FAM110D: variants seen among roughly 807,000 people sequenced by gnomAD.
FAM110D encodes family with sequence similarity 110 member D.
For missense variants in FAM110D, 376 were observed against 395.6 expected (o/e 0.95, Z 0.42); for synonymous variants, 174 against 189.4 (o/e 0.92, Z 0.67).
Position 26,161,631 on chromosome 1 carries a change from G to A in FAM110D, c.340G>A (p.Gly114Ser). ...GQGLVRRLFLGAPRDAAPSSP... is the reference protein window; with the variant it reads ...GQGLVRRLFLSAPRDAAPSSP... ...GGGTCTGGTGCGGCGCCTCTTTCTG[G>A]GTGCCCCGCGGGACGCTGCCCCGAG... Residue 114 changes from glycine (G) to serine (S), a missense_variant, in exon 2 of 2, where the codon GGT becomes AGT. By Grantham distance (56) the Gly-to-Ser change is moderately conservative. Transcript: ENST00000374268. This position sits in a 1 kb window ranked among gnomAD's most constrained non-coding sequence, Gnocchi z 5.4. The A allele has an allele frequency of 6.4e-7, 1 of 1,551,568 alleles. No individual in the cohort carries two copies. Among genetic ancestry groups the A allele is most frequent in the African/African-American group, 1.4e-5 (1 of 73,252 alleles).
Position 26,161,388 on chromosome 1 carries a change from C to A in FAM110D, c.97C>A (p.Gln33Lys). Residue 33 changes from glutamine (Q) to lysine (K), a missense_variant, in exon 2 of 2, where the codon CAG becomes AAG. By Grantham distance (53) the Gln-to-Lys change is moderately conservative (BLOSUM62 1). Coordinates refer to ENST00000374268, the MANE Select transcript of FAM110D (RefSeq NM_024869.3). This position sits in a 1 kb window ranked among gnomAD's most constrained non-coding sequence, Gnocchi z 5.4. ...CAAAGCCAAGTATGTCAAGACGCAC[C>A]AGGTGATAGCTAGGCGACAGGAGCC... is the stretch of plus-strand genomic sequence containing the variant. ...ADKAKYVKTH[Q>K]VIARRQEPAL... 1 of 1,598,922 alleles carries A rather than the reference C, an allele frequency of 6.3e-7. No homozygotes were observed. The highest frequency in any genetic ancestry group is 2.3e-5 in the East Asian group (1 of 44,034).
At chr1:26,160,920 C>T (rs1557610030) in intron 1 of FAM110D, among the ~76,000 whole-genome samples, 1 of 152,258 alleles carries the variant, frequency 6.6e-6, no homozygotes. Flanking sequence ...TGGGCCGGGA[C>T]CAGCCCTGTT....
rs766717950 is a variant in FAM110D at position 26,161,367 on chromosome 1, G to T, written c.76G>T (p.Ala26Ser). ...SAVERLEADK[A>S]KYVKTHQVIA... Reference sequence around the variant, plus strand: ...CGTGGAGAGGCTGGAAGCCGACAAAGCCAAGTATGTCAAGACGCACCAGGT... The same window carrying T: ...CGTGGAGAGGCTGGAAGCCGACAAATCCAAGTATGTCAAGACGCACCAGGT... The change falls in exon 2 of 2, where the codon GCC becomes TCC. Residue 26 changes from alanine to serine, a missense_variant. Ala to Ser is a moderately conservative substitution (Grantham distance 99). Transcript: ENST00000374268. This position sits in a 1 kb window ranked among gnomAD's most constrained non-coding sequence, Gnocchi z 5.4. The T allele has an allele frequency of 6.3e-6, 10 of 1,597,212 alleles. No individual in the cohort carries two copies. Among genetic ancestry groups the T allele is most frequent in the Non-Finnish European group, 7.7e-6 (9 of 1,172,450 alleles).
rs899773564 is a variant in FAM110D, at chr1:26,163,834, C to T, written c.*1727C>T. 1.7e-5 allele frequency: 4 copies of T among 235,114 alleles called. No homozygotes were observed. Among genetic ancestry groups the T allele is most frequent in the African/African-American group, 6.8e-5 (3 of 44,436 alleles). 14.6% of individuals were successfully genotyped at this position (235,114 alleles called of 1,614,324 possible). A position where few individuals can be genotyped will look rare whatever the true frequency, so the allele number is the denominator to read the frequency against. On this transcript the variant is annotated 3_prime_UTR_variant, in exon 2 of 2. Coordinates refer to ENST00000374268, the MANE Select transcript of FAM110D (RefSeq NM_024869.3). ...TTTGACCTTTTTCCTAGTACAGGGA[C>T]GGCGCACATAGTAGGGCCACAGGCA...
intron 1 of FAM110D, among the ~76,000 whole-genome samples, chr1:26,160,459 G>A (rs548476054): frequency 1.3e-5 from 2 of 151,672 alleles, no homozygotes; most frequent in South Asian, 4.2e-4. Flanking sequence ...AAACCTGGGT[G>A]ACAAAGCAAG....
chr1:26,161,331 A>AC lies in FAM110D; in HGVS notation c.45dup (p.Ser16GlnfsTer22). The AC allele has an allele frequency of 6.3e-7, 1 of 1,590,886 alleles. No individual in the cohort carries two copies. ...TCCCTCCACCCCGTCCAGAGGACGGACCCCCAGCGCCGTGGAGAGGCTGGA... is the reference window on the plus strand; with the variant it reads ...TCCCTCCACCCCGTCCAGAGGACGGACCCCCCAGCGCCGTGGAGAGGCTGGA... On this transcript the variant is annotated frameshift_variant, in exon 2 of 2. Transcript: ENST00000374268. LOFTEE classifies it low-confidence loss of function (END_TRUNC). This position sits in a 1 kb window ranked among gnomAD's most constrained non-coding sequence, Gnocchi z 5.4.
Position 26,161,879 on chromosome 1 carries a change from G to A in FAM110D, c.588G>A (p.Gln196=), listed in dbSNP as rs777163793. 1.4e-6 allele frequency: 2 copies of A among 1,472,106 alleles called. No homozygotes were observed. The highest frequency in any genetic ancestry group is 1.3e-5 in the South Asian group (1 of 76,106). 91.2% of individuals were successfully genotyped at this position (1,472,106 alleles called of 1,614,324 possible). Residue 196 remains glutamine (Q), a synonymous_variant, in exon 2 of 2, where the codon CAG becomes CAA. Coordinates refer to ENST00000374268, the MANE Select transcript of FAM110D (RefSeq NM_024869.3). The surrounding 1 kb of genome is among the most constrained non-coding windows in gnomAD (Gnocchi z 5.4). ...PQSWGADASP[Q]AGTSPPPGSG... is the part of the protein sequence containing the mutation. ...GCTGGGGAGCCGACGCCAGCCCGCA[G>A]GCCGGAACTTCGCCGCCGCCCGGCT... is the stretch of plus-strand genomic sequence containing the variant.
intron 1 of FAM110D, among the ~76,000 whole-genome samples, chr1:26,160,513 C>A (rs1451912708): frequency 6.6e-6 from 1 of 152,234 alleles, no homozygotes; most frequent in African/African-American, 2.4e-5. Context: ...GGTTCCAGTC[C>A]TGGCTCCTAA....
rs1164238147 is a variant in FAM110D at position 26,162,164 on chromosome 1, C to T, written c.*57C>T. 7.2e-6 allele frequency: 8 copies of T among 1,109,494 alleles called. No homozygotes were observed. In the East Asian group the frequency reaches 2.0e-4, roughly 28 times the overall value. The allele number at this position is 1,109,494 out of a possible 1,614,324, so 68.7% of individuals were successfully genotyped here. A position where few individuals can be genotyped will look rare whatever the true frequency, so the allele number is the denominator to read the frequency against. Reference sequence around the variant, plus strand: ...GCCCCGGGCACGGAAAAGGACACCCCTCTTCTGGCGCGCTGGGTGCCTTTG... The same window carrying T: ...GCCCCGGGCACGGAAAAGGACACCCTTCTTCTGGCGCGCTGGGTGCCTTTG... On this transcript the variant is annotated 3_prime_UTR_variant, in exon 2 of 2. Coordinates refer to ENST00000374268, the MANE Select transcript of FAM110D (RefSeq NM_024869.3). The surrounding 1 kb of genome is among the most constrained non-coding windows in gnomAD (Gnocchi z 5.3).
At position 26,161,148 on chromosome 1, in the gene FAM110D, A is replaced by C; in HGVS notation, c.-80-64A>C. On this transcript the variant is annotated intron_variant, in intron 1 of 1. Transcript: ENST00000374268. This position sits in a 1 kb window ranked among gnomAD's most constrained non-coding sequence, Gnocchi z 5.4. Reference sequence around the variant, plus strand: ...TGGCTGACTGATCCTATACTGAGGAATGCCGGCAGGAGAGGACCAGGGGCA... The same window carrying C: ...TGGCTGACTGATCCTATACTGAGGACTGCCGGCAGGAGAGGACCAGGGGCA... 2.4e-6 allele frequency: 2 copies of C among 820,596 alleles called. No homozygotes were observed. The highest frequency in any genetic ancestry group is 3.8e-6 in the Non-Finnish European group (2 of 530,974). The allele number at this position is 820,596 out of a possible 1,614,324, so 50.8% of individuals were successfully genotyped here. A position where few individuals can be genotyped will look rare whatever the true frequency, so the allele number is the denominator to read the frequency against.
In FAM110D at chr1:26,161,506, G is replaced by A. The variant is rs1310171535; in HGVS notation, c.215G>A (p.Arg72Gln). 3 of 1,552,258 alleles carry A rather than the reference G, an allele frequency of 1.9e-6. No homozygotes were observed. The highest frequency in any genetic ancestry group is 2.4e-5 in the East Asian group (1 of 41,058). The change falls in exon 2 of 2, where the codon CGG (arginine) becomes CAG (glutamine). Residue 72 changes from arginine (R) to glutamine (Q), a missense_variant. By Grantham distance (43) the Arg-to-Gln change is conservative. Transcript: ENST00000374268. This position sits in a 1 kb window ranked among gnomAD's most constrained non-coding sequence, Gnocchi z 5.4. ...ASPRTPRPVR[R>Q]GSGRRLPRPD... ...CCCAGGACGCCCAGGCCGGTCCGCC[G>A]GGGAAGCGGCAGGCGGCTGCCGAGG... is the stretch of plus-strand genomic sequence containing the variant.
At chr1:26,159,740 G>A (rs2088343710) in intron 1 of FAM110D, among the ~76,000 whole-genome samples, 1 of 151,938 alleles carries the variant, frequency 6.6e-6, no homozygotes. Flanking sequence ...CAGATCCAAG[G>A]TCCCTCAGCC....
rs904289478 is a variant in FAM110D, at chr1:26,161,110, G to A, written c.-80-102G>A. 27 of 608,014 alleles carry A rather than the reference G, an allele frequency of 4.4e-5. No individual in the cohort carries two copies. The highest frequency in any genetic ancestry group is 1.7e-4 in the South Asian group (7 of 42,382). The allele number at this position is 608,014 out of a possible 1,614,324, so 37.7% of individuals were successfully genotyped here. ...CCCTGGATGTGGCACCGGCTAACCTGGATGGGAGAGGGTGGCTGACTGATC... is the reference window on the plus strand; with the variant it reads ...CCCTGGATGTGGCACCGGCTAACCTAGATGGGAGAGGGTGGCTGACTGATC... On this transcript the variant is annotated intron_variant, in intron 1 of 1. Coordinates refer to ENST00000374268, the MANE Select transcript of FAM110D (RefSeq NM_024869.3). This position sits in a 1 kb window ranked among gnomAD's most constrained non-coding sequence, Gnocchi z 5.4.
In FAM110D at chr1:26,162,826, A is replaced by C. The variant is rs1324951968; in HGVS notation, c.*719A>C. ...TGGTCACTGGGTATGAAGGGCTGAG[A>C]TCCAACCTTTCGGACACAAAAAGAA... On this transcript the variant is annotated 3_prime_UTR_variant, in exon 2 of 2. Transcript: ENST00000374268. The surrounding 1 kb of genome is among the most constrained non-coding windows in gnomAD (Gnocchi z 5.3). The C allele has an allele frequency of 6.6e-6, 1 of 152,104 alleles. No individual in the cohort carries two copies. The highest frequency in any genetic ancestry group is 1.5e-5 in the Non-Finnish European group (1 of 68,034). The allele number at this position is 152,104 out of a possible 1,614,324, so 9.4% of individuals were successfully genotyped here.
rs1321079048 is a variant in FAM110D, at chr1:26,161,200, C to G, written c.-80-12C>G. 2 of 1,284,408 alleles carry G rather than the reference C, an allele frequency of 1.6e-6. No homozygotes were observed. The highest frequency in any genetic ancestry group is 1.1e-6 in the Non-Finnish European group (1 of 948,490). 79.6% of individuals were successfully genotyped at this position (1,284,408 alleles called of 1,614,324 possible). ...TTCCTACCCTTCCCCTGACCTTCCT[C>G]TCTCCCTGCAGGTCAGTGAGAGCCC... On this transcript the variant is annotated splice_polypyrimidine_tract_variant and intron_variant, in intron 1 of 1. Coordinates refer to ENST00000374268, the MANE Select transcript of FAM110D (RefSeq NM_024869.3). This position sits in a 1 kb window ranked among gnomAD's most constrained non-coding sequence, Gnocchi z 5.4.
chr1:26,161,987 AGCGGGCTCGGC>A lies in FAM110D; in HGVS notation c.702_712del (p.Ser235ProfsTer121), dbSNP rs931693336. 4 of 1,239,286 alleles carry A rather than the reference AGCGGGCTCGGC, an allele frequency of 3.2e-6. No homozygotes were observed. Among genetic ancestry groups the A allele is most frequent in the Non-Finnish European group, 4.0e-6 (4 of 995,968 alleles). The allele number at this position is 1,239,286 out of a possible 1,614,324, so 76.8% of individuals were successfully genotyped here. A position where few individuals can be genotyped will look rare whatever the true frequency, so the allele number is the denominator to read the frequency against. On this transcript the variant is annotated frameshift_variant, in exon 2 of 2. Coordinates refer to ENST00000374268, the MANE Select transcript of FAM110D (RefSeq NM_024869.3). LOFTEE classifies it low-confidence loss of function (END_TRUNC). This position sits in a 1 kb window ranked among gnomAD's most constrained non-coding sequence, Gnocchi z 5.4. ...CGGGCGGCGGCGGCGGCTCGGAGGC[AGCGGGCTCGGC>A]GCGGGACCGGCGCCCCCCGGTGTCG...
intron 1 of FAM110D, among the ~76,000 whole-genome samples, chr1:26,159,906 C>T (rs2088345478): frequency 6.6e-6 from 1 of 152,004 alleles, no homozygotes; most frequent in South Asian, 2.1e-4. Flanking sequence ...GGAAAAGGGT[C>T]ATGAGGTCTT....
rs1450349588 is a variant in FAM110D, at chr1:26,161,631, G to C, written c.340G>C (p.Gly114Arg). ...GGGTCTGGTGCGGCGCCTCTTTCTG[G>C]GTGCCCCGCGGGACGCTGCCCCGAG... ...GQGLVRRLFL[G>R]APRDAAPSSP... is the part of the protein sequence containing the mutation. Residue 114 changes from glycine to arginine, a missense_variant, in exon 2 of 2, where the codon GGT (glycine) becomes CGT (arginine). Coordinates refer to ENST00000374268, the MANE Select transcript of FAM110D (RefSeq NM_024869.3). The surrounding 1 kb of genome is among the most constrained non-coding windows in gnomAD (Gnocchi z 5.4). 2 of 1,551,568 alleles carry C rather than the reference G, an allele frequency of 1.3e-6. No homozygotes were observed. The highest frequency in any genetic ancestry group is 2.4e-5 in the South Asian group (2 of 84,138).
rs1253628781 is a variant in FAM110D, at chr1:26,161,767, T to C, written c.476T>C (p.Leu159Pro). 1 of 1,550,494 alleles carries C rather than the reference T, an allele frequency of 6.4e-7. No individual in the cohort carries two copies. Among genetic ancestry groups the C allele is most frequent in the Admixed American group, 2.0e-5 (1 of 51,240 alleles). The change falls in exon 2 of 2, where the codon CTG becomes CCG. Residue 159 changes from leucine to proline, a missense_variant. Coordinates refer to ENST00000374268, the MANE Select transcript of FAM110D (RefSeq NM_024869.3). The surrounding 1 kb of genome is among the most constrained non-coding windows in gnomAD (Gnocchi z 5.4). ...CTGTGTCCCACGTGCTCGCTGCCCC[T>C]GTCGGAGAAGGAGCGCTTCTTCAAC... ...RALCPTCSLP[L>P]SEKERFFNYC...
Sources: allele counts gnomAD v4.1 joint callset (sites outside exome capture counted in the v4.1 genomes callset), GRCh38; gene constraint gnomAD v4.1.1; non-coding constraint Gnocchi (gnomAD v3.1); transcripts MANE v1.5; gene names NCBI Gene and HGNC (gene_info 2026-07-23, HGNC 2026-07-21).